LOXL2: variants seen among roughly 807,000 people sequenced by gnomAD.
The protein encoded by LOXL2 is lysyl oxidase like 2, also known as lysyl oxidase homolog 2.
Under a neutral mutation model 93.0 loss-of-function variants are expected in LOXL2, and 70 were observed. The observed-to-expected ratio is 0.75, with a 90% CI of 0.62 to 0.92. LOXL2 has a LOEUF of 0.92. LOXL2 is among the 40% of genes least tolerant of loss of function. The pLI is 0.00. For synonymous variants in LOXL2, 438 were observed against 413.2 expected, an observed-to-expected ratio of 1.06 and a Z score of -0.73; for missense variants, 973 against 1,054.9, an observed-to-expected ratio of 0.92 and a Z score of 1.08.
chr8:23,355,502 T>C (rs769654218), intron 3 of LOXL2, among the ~76,000 whole-genome samples: 1 of 146,462 alleles, frequency 6.8e-6, no homozygotes, highest in African/African-American at 2.6e-5. Context: ...TGTAAAGCAG[T>C]TGACATTCAC....
intron 4 of LOXL2, among the ~76,000 whole-genome samples, chr8:23,338,967 C>T (rs868403389): frequency 4.3e-4 from 66 of 152,180 alleles, no homozygotes; most frequent in African/African-American, 1.5e-3. Context: ...ACCCTGAGTC[C>T]ACTGCCCTTC....
Position 23,297,724 on chromosome 8 carries a change from T to G in LOXL2, c.*319A>C. 1.9e-5 allele frequency: 4 copies of G among 212,324 alleles called. No homozygotes were observed. The highest frequency in any genetic ancestry group is 9.1e-6 in the Non-Finnish European group (1 of 109,576). The allele number at this position is 212,324 out of a possible 1,614,324, so 13.2% of individuals were successfully genotyped here. ...TGTGTCTGTGGTGAGCTCGGTGGCT[T>G]GAATGGGACAAGCTGATGACAACCT... On this transcript the variant is annotated 3_prime_UTR_variant, in exon 14 of 14. Transcript: ENST00000389131.
chr8:23,397,232 TAC>T (rs1800102405), intron 1 of LOXL2, among the ~76,000 whole-genome samples: 1 of 152,150 alleles, frequency 6.6e-6, no homozygotes, highest in Non-Finnish European at 1.5e-5. Context: ...GTTCAATGGG[TAC>T]AGAGTTTCTG....
At chr8:23,327,643 C>T (rs1452292109) in intron 6 of LOXL2, among the ~76,000 whole-genome samples, 1 of 152,146 alleles carries the variant, frequency 6.6e-6, no homozygotes, top group Non-Finnish European at 1.5e-5. Flanking sequence ...ACTCCTAGAC[C>T]GCACAGTCTG....
chr8:23,325,468 A>G (rs1803563744), intron 6 of LOXL2, among the ~76,000 whole-genome samples: 1 of 152,098 alleles, frequency 6.6e-6, no homozygotes, highest in African/African-American at 2.4e-5. Flanking sequence ...TTTTAAAAAA[A>G]TTTTGTAGAG....
chr8:23,371,238 A>G (rs1347224954), intron 1 of LOXL2: 1 of 152,180 alleles, frequency 6.6e-6, no homozygotes, highest in Non-Finnish European at 1.5e-5. Flanking sequence ...ATCCCAGATA[A>G]ACAAAAGAGG....
chr8:23,386,826 A>C (rs187695306), intron 1 of LOXL2, among the ~76,000 whole-genome samples: 1 of 152,154 alleles, frequency 6.6e-6, no homozygotes, highest in East Asian at 1.9e-4. Flanking sequence ...AATCAGGCCA[A>C]GGATCTCCGT....
chr8:23,338,365 G>C (rs1376406236), intron 4 of LOXL2, among the ~76,000 whole-genome samples: 1 of 150,828 alleles, frequency 6.6e-6, no homozygotes, highest in Non-Finnish European at 1.5e-5. Context: ...CTTCCGAGTG[G>C]CCACCAGCCC....
rs373211284 is a variant in LOXL2 at position 23,327,657 on chromosome 8, G to A, written c.1150+725C>T. Among the ~76,000 whole-genome samples the A allele has an allele frequency of 7.2e-5, 11 of 152,242 alleles. 1 individual carries two copies. Among genetic ancestry groups the A allele is most frequent in the South Asian group, 2.1e-4 (1 of 4,810 alleles). On this transcript the variant is annotated intron_variant, in intron 6 of 13. Transcript: ENST00000389131. The stretch of plus-strand genomic sequence containing the variant: ...CACTCCTAGACCGCACAGTCTGTTC[G>A]GGGTAAAATCTCCCCCTGTTGAATG...
intron 1 of LOXL2, among the ~76,000 whole-genome samples, chr8:23,402,109 AATACACAT>A (rs1319999603): frequency 3.3e-5 from 5 of 151,964 alleles, no homozygotes; most frequent in Non-Finnish European, 7.4e-5. Context: ...CACAAACACA[AATACACAT>A]ATACACATAC....
At chr8:23,315,482 C>T (rs1803379930) in intron 9 of LOXL2, among the ~76,000 whole-genome samples, 1 of 152,158 alleles carries the variant, frequency 6.6e-6, no homozygotes, top group Admixed American at 6.5e-5. Flanking sequence ...TCTGAGAAAT[C>T]GCCCCATGAA....
chr8:23,375,405 C>T (rs1324566869), intron 1 of LOXL2, among the ~76,000 whole-genome samples: 2 of 152,016 alleles, frequency 1.3e-5, no homozygotes, highest in Admixed American at 6.6e-5. Context: ...GTTCTTTTGG[C>T]TTAGGATTGA....
rs140395579 is a variant in LOXL2, at chr8:23,360,186, G to C, written c.435C>G (p.Val145=). The change falls in exon 3 of 14, where the codon GTC becomes GTG. Residue 145 remains valine (V), a synonymous_variant. Coordinates refer to ENST00000389131, the MANE Select transcript of LOXL2 (RefSeq NM_002318.3). ...CATCCTCCGTGTGCTTGCAGTCAGTGACGCCCCAGCCATTGGAGGTGCATG... is the reference window on the plus strand; with the variant it reads ...CATCCTCCGTGTGCTTGCAGTCAGTCACGCCCCAGCCATTGGAGGTGCATG... The part of the protein sequence containing the change: ...LAACTSNGWG[V]TDCKHTEDVG... 1.6e-4 allele frequency: 259 copies of C among 1,614,134 alleles called. No homozygotes were observed. The African/African-American group carries it at 3.1e-3, about 19-fold the overall frequency.
At chr8:23,367,002 A>G (rs1349711642) in intron 2 of LOXL2, among the ~76,000 whole-genome samples, 5 of 151,988 alleles carry the variant, frequency 3.3e-5, no homozygotes, top group African/African-American at 9.7e-5. Flanking sequence ...AGGGCTTCAA[A>G]CTTTGTCCTG....
intron 5 of LOXL2, chr8:23,328,878 C>A (rs1054957173): frequency 3.6e-6 from 1 of 273,990 alleles, no homozygotes; most frequent in Non-Finnish European, 7.0e-6. Flanking sequence ...TCACTCATCA[C>A]CCCAACCTTT....
chr8:23,303,331 T>G lies in LOXL2; in HGVS notation c.1947A>C (p.Ala649=), dbSNP rs1043830732. Residue 649 remains alanine, a synonymous_variant, in exon 11 of 14, where the codon GCA becomes GCC. Coordinates refer to ENST00000389131, the MANE Select transcript of LOXL2 (RefSeq NM_002318.3). ...AGCAGAAGCTGGCCTTGTGGCCCTC[T>G]GCCACCTTGGTGCCATTGAGGTTCA... ...DLLNLNGTKV[A]EGHKASFCLE... 1 of 1,613,820 alleles carries G rather than the reference T, an allele frequency of 6.2e-7. No individual in the cohort carries two copies. Among genetic ancestry groups the G allele is most frequent in the Admixed American group, 1.7e-5 (1 of 59,988 alleles).
chr8:23,318,347 A>G (rs1803436150), intron 8 of LOXL2, among the ~76,000 whole-genome samples: 2 of 151,984 alleles, frequency 1.3e-5, no homozygotes, highest in African/African-American at 4.8e-5. Flanking sequence ...TAAAAGAAAT[A>G]TCTTTCTTCA....
chr8:23,319,806 G>T, intron 8 of LOXL2, 79 bp downstream of exon 8: 1 of 1,470,674 alleles, frequency 6.8e-7, no homozygotes, highest in Non-Finnish European at 9.3e-7. Flanking sequence ...AGGGTACGTG[G>T]GAGAGGGGGG....
rs1031108302 is a variant in LOXL2 at position 23,349,417 on chromosome 8, A to G, written c.532-8214T>C. 7.2e-5 allele frequency among the ~76,000 whole-genome samples: 11 copies of G among 152,156 alleles called. No individual in the cohort carries two copies. The East Asian group carries it at 1.9e-3, about 27-fold the overall frequency. The stretch of plus-strand genomic sequence containing the variant: ...AGGGAAAATGTTATTCATCCATTCA[A>G]AAATATTTGTCCAGTGCCACCATGT... On this transcript the variant is annotated intron_variant, in intron 3 of 13. Transcript: ENST00000389131.
Sources: allele counts gnomAD v4.1 joint callset (sites outside exome capture counted in the v4.1 genomes callset), GRCh38; gene constraint gnomAD v4.1.1; transcripts MANE v1.5; gene names NCBI Gene and HGNC (gene_info 2026-07-23, HGNC 2026-07-21).